TRIM49B: variants seen among roughly 807,000 people sequenced by gnomAD.
TRIM49B encodes the protein putative tripartite motif-containing protein 49B.
A neutral mutation model predicts 31.8 loss-of-function variants in TRIM49B; 18 were observed. That is an observed-to-expected ratio of 0.57 (90% CI 0.39 to 0.84). The LOEUF (loss-of-function observed/expected upper bound fraction) is 0.84, where lower values mean the gene tolerates loss of function less well. Ranked by LOEUF, TRIM49B falls within the 40% of genes least tolerant of loss-of-function variation. TRIM49B has a pLI of 0.00. For synonymous variants in TRIM49B, 196 were observed against 180.6 expected (o/e 1.09, Z -0.68); for missense variants, 494 against 538.7 (o/e 0.92, Z 0.82).
At position 49,037,538 on chromosome 11, in the gene TRIM49B, G is replaced by T; in HGVS notation, c.920G>T (p.Arg307Ile). 1 of 1,614,158 alleles carries T rather than the reference G, an allele frequency of 6.2e-7. No individual in the cohort carries two copies. Among genetic ancestry groups the T allele is most frequent in the Non-Finnish European group, 8.5e-7 (1 of 1,180,040 alleles). The change falls in exon 7 of 7, where the codon AGA (arginine) becomes ATA (isoleucine). Residue 307 changes from arginine to isoleucine, a missense_variant. Coordinates refer to ENST00000332682, the MANE Select transcript of TRIM49B (RefSeq NM_001206626.2). The part of the protein sequence containing the change: ...NSDIFLCEIL[R>I]SMCIGCDHQD... ...GATATCTTTCTATGTGAAATTTTGA[G>T]AAGCATGTGTATTGGATGTGACCAT...
In TRIM49B at chr11:49,038,115, C is replaced by T. The variant is rs1184988004; in HGVS notation, c.*138C>T. 3 of 1,510,478 alleles carry T rather than the reference C, an allele frequency of 2.0e-6. No homozygotes were observed. Among genetic ancestry groups the T allele is most frequent in the Non-Finnish European group, 2.7e-6 (3 of 1,131,010 alleles). 93.6% of individuals were successfully genotyped at this position (1,510,478 alleles called of 1,614,324 possible). A position where few individuals can be genotyped will look rare whatever the true frequency, so the allele number is the denominator to read the frequency against. ...ATTGCCTTCTAATGTTATCAAAACT[C>T]ATTTATTGTGTTACTATTAAATATG... On this transcript the variant is annotated 3_prime_UTR_variant, in exon 7 of 7. Transcript: ENST00000332682.
chr11:49,033,935 C>T (rs1481664651), intron 3 of TRIM49B, among the ~76,000 whole-genome samples: 1 of 152,080 alleles, frequency 6.6e-6, no homozygotes, highest in Non-Finnish European at 1.5e-5. Flanking sequence ...TTAGAAAACA[C>T]ATTATCTTGA....
chr11:49,033,065 T>A (rs1854474531), intron 3 of TRIM49B, among the ~76,000 whole-genome samples: 1 of 152,150 alleles, frequency 6.6e-6, no homozygotes, highest in Non-Finnish European at 1.5e-5. Flanking sequence ...ATAGCTAATA[T>A]TAGTTTGTTG....
At chr11:49,029,685 G>A (rs1399756051) in intron 1 of TRIM49B, among the ~76,000 whole-genome samples, 2 of 152,166 alleles carry the variant, frequency 1.3e-5, no homozygotes, top group African/African-American at 4.8e-5. Context: ...ACTTAAAATT[G>A]CCAAAACAAA....
chr11:49,035,806 C>T (rs935959761), intron 5 of TRIM49B, among the ~76,000 whole-genome samples: 1 of 152,078 alleles, frequency 6.6e-6, no homozygotes, highest in African/African-American at 2.4e-5. Context: ...GTTTTTTATA[C>T]ATATATACAT....
rs753156718 is a variant in TRIM49B at position 49,031,753 on chromosome 11, T to C, written c.154T>C (p.Cys52Arg). The change falls in exon 2 of 7, where the codon TGC becomes CGC. Residue 52 changes from cysteine (C) to arginine (R), a missense_variant. Physicochemically the swap from Cys to Arg is radical, Grantham distance 180 (BLOSUM62 -3). Coordinates refer to ENST00000332682, the MANE Select transcript of TRIM49B (RefSeq NM_001206626.2). ...GAAAGACAGCCCATTTCTTGTCCAG[T>C]GCTCTGAATGCACAAAGTCAACAGG... ...NWKDSPFLVQ[C>R]SECTKSTGQI... 6.2e-7 allele frequency: 1 copy of C among 1,613,980 alleles called. No homozygotes were observed. The highest frequency in any genetic ancestry group is 1.7e-5 in the Admixed American group (1 of 60,014).
chr11:49,032,377 T>C lies in TRIM49B; in HGVS notation c.507+6T>C, dbSNP rs1462666368. The C allele has an allele frequency of 6.2e-7, 1 of 1,612,648 alleles. No individual in the cohort carries two copies. The highest frequency in any genetic ancestry group is 1.3e-5 in the African/African-American group (1 of 74,822). On this transcript the variant is annotated splice_donor_region_variant and intron_variant, in intron 3 of 6. Transcript: ENST00000332682. The stretch of plus-strand genomic sequence containing the variant: ...CCAGAACCAGATGCTGGAAGGTTAG[T>C]CCTGTACTACTCTACCTTCTCCAGG...
intron 3 of TRIM49B, among the ~76,000 whole-genome samples, chr11:49,033,853 C>T (rs1854485178): frequency 6.6e-6 from 1 of 152,192 alleles, no homozygotes; most frequent in African/African-American, 2.4e-5. Flanking sequence ...TAAGCATGAA[C>T]TCTTCTTACT....
intron 3 of TRIM49B, among the ~76,000 whole-genome samples, chr11:49,033,562 G>A (rs4414657): frequency 1.2e-3 from 190 of 152,216 alleles, no homozygotes; most frequent in Non-Finnish European, 1.9e-3. Context: ...GTAATTTTGA[G>A]TTTGTGTATA....
intron 5 of TRIM49B, among the ~76,000 whole-genome samples, chr11:49,035,388 C>A (rs1854513080): frequency 2.0e-5 from 2 of 98,928 alleles, no homozygotes; most frequent in Non-Finnish European, 1.9e-5. Context: ...GAGACGGTGT[C>A]TGGCTCTGTC....
At chr11:49,031,456 T>A in intron 1 of TRIM49B, 140 bp from the exon 2 acceptor site, 5 of 1,460,864 alleles carry the variant, frequency 3.4e-6, no homozygotes, top group Non-Finnish European at 4.6e-6. Context: ...AATTTTTAAG[T>A]TTGTAACAGA....
chr11:49,035,858 G>A lies in TRIM49B; in HGVS notation c.762-443G>A, dbSNP rs192637070. ...GAAAAATAGATCGAAAAAAACTGGA[G>A]TGTTAGAACTGTATAAGTCTCTAGG... is the stretch of plus-strand genomic sequence containing the variant. On this transcript the variant is annotated intron_variant, in intron 5 of 6. Coordinates refer to ENST00000332682, the MANE Select transcript of TRIM49B (RefSeq NM_001206626.2). Among the ~76,000 whole-genome samples, 304 of 152,226 alleles carry A rather than the reference G, an allele frequency of 2.0e-3. 1 individual carries two copies. The highest frequency in any genetic ancestry group is 6.9e-3 in the African/African-American group (288 of 41,534).
intron 3 of TRIM49B, among the ~76,000 whole-genome samples, chr11:49,033,862 C>T (rs1240520870): frequency 1.3e-5 from 2 of 152,212 alleles, no homozygotes; most frequent in Non-Finnish European, 2.9e-5. Flanking sequence ...ACTCTTCTTA[C>T]TTTTCCATAA....
At chr11:49,035,216 A>T (rs1194592296) in intron 5 of TRIM49B, 99 bp downstream of exon 5, 6 of 1,570,314 alleles carry the variant, frequency 3.8e-6, no homozygotes, top group Non-Finnish European at 5.2e-6. Flanking sequence ...GGCATAAATA[A>T]TTAAGATATT....
rs774485854 is a variant in TRIM49B at position 49,037,401 on chromosome 11, T to A, written c.860-77T>A. 3 of 1,488,534 alleles carry A rather than the reference T, an allele frequency of 2.0e-6. No individual in the cohort carries two copies. The South Asian group carries it at 4.2e-5, about 21-fold the overall frequency. 92.2% of individuals were successfully genotyped at this position (1,488,534 alleles called of 1,614,324 possible). A position where few individuals can be genotyped will look rare whatever the true frequency, so the allele number is the denominator to read the frequency against. Reference sequence around the variant, plus strand: ...AAACTTTTTATGACTTTACATTTGCTGGTAAAGTAACTTCTTGATAGACAA... The same window carrying A: ...AAACTTTTTATGACTTTACATTTGCAGGTAAAGTAACTTCTTGATAGACAA... On this transcript the variant is annotated intron_variant, in intron 6 of 6. Coordinates refer to ENST00000332682, the MANE Select transcript of TRIM49B (RefSeq NM_001206626.2).
At chr11:49,029,594 A>T (rs1386145657) in intron 1 of TRIM49B, among the ~76,000 whole-genome samples, 1 of 152,234 alleles carries the variant, frequency 6.6e-6, no homozygotes, top group Non-Finnish European at 1.5e-5. Flanking sequence ...AAATATTTGC[A>T]ATTCTAAGAT....
chr11:49,037,160 A>C (rs567260623), intron 6 of TRIM49B, among the ~76,000 whole-genome samples: 9 of 152,374 alleles, frequency 5.9e-5, no homozygotes, highest in Non-Finnish European at 1.3e-4. Context: ...GTTTTTAAGA[A>C]TAAGAAACAT....
Position 49,032,016 on chromosome 11 carries a change from T to C in TRIM49B, c.411+6T>C. 1.2e-6 allele frequency: 2 copies of C among 1,611,758 alleles called. No homozygotes were observed. The highest frequency in any genetic ancestry group is 1.7e-6 in the Non-Finnish European group (2 of 1,179,664). Reference sequence around the variant, plus strand: ...CGGCTGCTGAGGAACACCAGGTAAGTGATGGCTCTGAAGATCGATTTCTGT... The same window carrying C: ...CGGCTGCTGAGGAACACCAGGTAAGCGATGGCTCTGAAGATCGATTTCTGT... On this transcript the variant is annotated splice_donor_region_variant and intron_variant, in intron 2 of 6. Coordinates refer to ENST00000332682, the MANE Select transcript of TRIM49B (RefSeq NM_001206626.2).
intron 3 of TRIM49B, among the ~76,000 whole-genome samples, chr11:49,033,102 A>G (rs1854475210): frequency 6.6e-6 from 1 of 152,214 alleles, no homozygotes; most frequent in African/African-American, 2.4e-5. Context: ...AACCTAGTCT[A>G]CGTTGAATAT....
Sources: allele counts gnomAD v4.1 joint callset (sites outside exome capture counted in the v4.1 genomes callset), GRCh38; gene constraint gnomAD v4.1.1; transcripts MANE v1.5; gene names NCBI Gene and HGNC (gene_info 2026-07-23, HGNC 2026-07-21).